Variants in CIC observed in about 807,000 individuals in gnomAD.
CIC encodes the protein protein capicua homolog.
A neutral mutation model predicts 115.7 loss-of-function variants in CIC; 18 were observed. The ratio of observed to expected loss-of-function variants is 0.16; its 90% CI spans 0.11 to 0.23. The LOEUF (loss-of-function observed/expected upper bound fraction) is 0.23, where lower values mean the gene tolerates loss of function less well. Ranked by LOEUF, CIC falls within the 10% of genes least tolerant of loss-of-function variation. CIC has a pLI of 1.00. For synonymous variants in CIC, 1,076 were observed against 923.0 expected (o/e 1.17, Z -3.01); for missense variants, 2,000 against 2,159.3 (o/e 0.93, Z 1.46).
rs2036809449 is a variant in CIC, at chr19:42,272,031, G to A, written c.248G>A (p.Gly83Asp). Residue 83 changes from glycine (G) to aspartate (D), a missense_variant, in exon 2 of 21, where the codon GGC becomes GAC. Transcript: ENST00000681038. Reference sequence around the variant, plus strand: ...GGTCCTCCACTGGAGCTGCACCCTGGCGACCCGGCTCCAGGCCCAGCAGAG... The same window carrying A: ...GGTCCTCCACTGGAGCTGCACCCTGACGACCCGGCTCCAGGCCCAGCAGAG... ...AEGPPLELHP[G>D]DPAPGPAEDP... 2.5e-6 allele frequency: 1 copy of A among 398,810 alleles called. No homozygotes were observed. The highest frequency in any genetic ancestry group is 1.3e-4 in the South Asian group (1 of 7,878). The allele number at this position is 398,810 out of a possible 1,614,324, so 24.7% of individuals were successfully genotyped here. A position where few individuals can be genotyped will look rare whatever the true frequency, so the allele number is the denominator to read the frequency against.
At position 42,294,099 on chromosome 19, in the gene CIC, C is replaced by T. The variant is rs2147341629; in HGVS notation, c.6922+10C>T. On this transcript the variant is annotated intron_variant, in intron 18 of 20. Coordinates refer to ENST00000681038, the MANE Select transcript of CIC (RefSeq NM_001386298.1). The stretch of plus-strand genomic sequence containing the variant: ...AGGAAGAACTCCACGGGTAGGCGAG[C>T]ATTGGGCACCCAGGGTCCTTAGGTG... The T allele has an allele frequency of 6.2e-7, 1 of 1,613,670 alleles. No homozygotes were observed. Among genetic ancestry groups the T allele is most frequent in the African/African-American group, 1.3e-5 (1 of 75,054 alleles).
chr19:42,293,897 A>T lies in CIC; in HGVS notation c.6768-38A>T, dbSNP rs368146108. The T allele has an allele frequency of 1.4e-4, 232 of 1,613,006 alleles. 2 individuals carry two copies. The highest frequency in any genetic ancestry group is 1.3e-3 in the Middle Eastern group (8 of 6,062). On this transcript the variant is annotated intron_variant, in intron 17 of 20. Coordinates refer to ENST00000681038, the MANE Select transcript of CIC (RefSeq NM_001386298.1). ...GGGTGGCGGGAGTGGGAGCAGCTGC[A>T]GGCTGAGGCGGGGGAGGTGACCCTG...
intron 7 of CIC, among the ~76,000 whole-genome samples, chr19:42,288,654 C>T (rs1395804854): frequency 6.6e-6 from 1 of 152,162 alleles, no homozygotes; most frequent in Admixed American, 6.5e-5. Context: ...GGCCTCCTTA[C>T]TTTCAGGAGG....
At position 42,294,906 on chromosome 19, in the gene CIC, G is replaced by A. The variant is rs754649691; in HGVS notation, c.7269G>A (p.Val2423=). Residue 2423 remains valine, a synonymous_variant, in exon 21 of 21, where the codon GTG becomes GTA. Transcript: ENST00000681038. ...KVCLQLKIRE[V]RQKIMQAATP... is the part of the protein sequence containing the mutation. ...GTCTGCAGTTGAAGATCCGTGAGGTGCGCCAGAAGATCATGCAGGCTGCCA... is the reference window on the plus strand; with the variant it reads ...GTCTGCAGTTGAAGATCCGTGAGGTACGCCAGAAGATCATGCAGGCTGCCA... 23 of 1,600,306 alleles carry A rather than the reference G, an allele frequency of 1.4e-5. No homozygotes were observed. In the Admixed American group the frequency reaches 1.7e-4, roughly 12 times the overall value.
chr19:42,289,304 C>T lies in CIC; in HGVS notation c.3985C>T (p.Pro1329Ser). Residue 1329 changes from proline (P) to serine (S), a missense_variant, in exon 9 of 21, where the codon CCC becomes TCC. By Grantham distance (74) the Pro-to-Ser change is moderately conservative. Coordinates refer to ENST00000681038, the MANE Select transcript of CIC (RefSeq NM_001386298.1). ...LAATGRPPLL[P>S]TRASRSQRAA... ...GGCCACTGGGCGGCCCCCGCTGCTG[C>T]CCACCCGAGCTTCTCGTTCTCAGCG... The T allele has an allele frequency of 6.2e-7, 1 of 1,613,988 alleles. No individual in the cohort carries two copies. Among genetic ancestry groups the T allele is most frequent in the Non-Finnish European group, 8.5e-7 (1 of 1,180,012 alleles).
Position 42,273,013 on chromosome 19 carries a change from C to A in CIC, c.1230C>A (p.Thr410=). The A allele has an allele frequency of 2.5e-6, 1 of 399,220 alleles. No homozygotes were observed. Among genetic ancestry groups the A allele is most frequent in the Non-Finnish European group, 4.4e-6 (1 of 226,418 alleles). 24.7% of individuals were successfully genotyped at this position (399,220 alleles called of 1,614,324 possible). ...GEEKHPPALG[T]PALLPLPPPQ... is the part of the protein sequence containing the mutation. ...AGAAGCACCCTCCAGCCCTGGGTAC[C>A]CCAGCCCTGCTCCCACTGCCCCCAC... The change falls in exon 2 of 21, where the codon ACC becomes ACA. Residue 410 remains threonine, a synonymous_variant. Coordinates refer to ENST00000681038, the MANE Select transcript of CIC (RefSeq NM_001386298.1).
rs753788840 is a variant in CIC at position 42,290,376 on chromosome 19, G to T, written c.4335G>T (p.Ala1445=). The T allele has an allele frequency of 6.2e-7, 1 of 1,613,824 alleles. No homozygotes were observed. The highest frequency in any genetic ancestry group is 8.5e-7 in the Non-Finnish European group (1 of 1,179,970). Residue 1445 remains alanine (A), a synonymous_variant, in exon 11 of 21, where the codon GCG becomes GCT. Coordinates refer to ENST00000681038, the MANE Select transcript of CIC (RefSeq NM_001386298.1). ...KGYGSAPSSS[A]SSPASSSASA... ...ATGGTTCCGCCCCATCCTCCTCTGC[G>T]TCCTCGCCTGCTTCCTCCTCAGCCT...
intron 2 of CIC, among the ~76,000 whole-genome samples, chr19:42,285,360 G>T (rs892472373): frequency 2.0e-5 from 3 of 152,198 alleles, no homozygotes; most frequent in Admixed American, 2.0e-4. Context: ...TGCAAAGAGA[G>T]GCACAGGTCT....
rs1422754913 is a variant in CIC at position 42,289,100 on chromosome 19, G to A, written c.3861+10G>A. 6.2e-7 allele frequency: 1 copy of A among 1,613,366 alleles called. No homozygotes were observed. The highest frequency in any genetic ancestry group is 8.5e-7 in the Non-Finnish European group (1 of 1,180,048). ...ACAGGAACTGACGCAGGTCTAGGGT[G>A]CAGGCCCCCTAGTGGGGGTGGGCAG... On this transcript the variant is annotated intron_variant, in intron 8 of 20. Coordinates refer to ENST00000681038, the MANE Select transcript of CIC (RefSeq NM_001386298.1).
At chr19:42,294,147 CA>C in intron 18 of CIC, 25 bp from the exon 19 acceptor site, 1 of 1,613,912 alleles carries the variant, frequency 6.2e-7, no homozygotes, top group Non-Finnish European at 8.5e-7. Context: ...GGGCCACCTG[CA>C]CTGAGTCTGC....
Position 42,293,879 on chromosome 19 carries a change from G to A in CIC, c.6767+43G>A, listed in dbSNP as rs750922656. ...CCTTGGTGGAGCGTGTTAGGGTGGC[G>A]GGAGTGGGAGCAGCTGCAGGCTGAG... is the stretch of plus-strand genomic sequence containing the variant. On this transcript the variant is annotated intron_variant, in intron 17 of 20. Coordinates refer to ENST00000681038, the MANE Select transcript of CIC (RefSeq NM_001386298.1). 2.7e-5 allele frequency: 43 copies of A among 1,613,102 alleles called. No homozygotes were observed. The East Asian group carries it at 4.0e-4, about 15-fold the overall frequency.
intron 12 of CIC, 138 bp downstream of exon 12, chr19:42,291,883 A>G: frequency 7.7e-7 from 1 of 1,304,620 alleles, no homozygotes; most frequent in Non-Finnish European, 1.1e-6. Flanking sequence ...GTCTCTGTGC[A>G]TCCTGACTCT....
In CIC at chr19:42,290,294, C is replaced by G. The variant is rs767088244; in HGVS notation, c.4253C>G (p.Pro1418Arg). The G allele has an allele frequency of 6.2e-7, 1 of 1,614,094 alleles. No homozygotes were observed. The highest frequency in any genetic ancestry group is 8.5e-7 in the Non-Finnish European group (1 of 1,179,980). The change falls in exon 11 of 21, where the codon CCA (proline) becomes CGA (arginine). Residue 1418 changes from proline to arginine, a missense_variant. Physicochemically the swap from Pro to Arg is moderately radical, Grantham distance 103 (BLOSUM62 -2). Transcript: ENST00000681038. The stretch of plus-strand genomic sequence containing the variant: ...TCCTCCTTTACCCACTGCCGCCCCC[C>G]ACTGGACCCTGAGCCCCCAGGGCCC... ...IRSSFTHCRP[P>R]LDPEPPGPPD... is the part of the protein sequence containing the mutation.
chr19:42,285,065 T>G (rs1292253988), intron 2 of CIC, among the ~76,000 whole-genome samples: 1 of 151,800 alleles, frequency 6.6e-6, no homozygotes, highest in East Asian at 1.9e-4. Flanking sequence ...TGGGGTAGAA[T>G]AGGAACAGCA....
rs1432205915 is a variant in CIC at position 42,287,895 on chromosome 19, C to G, written c.3578C>G (p.Thr1193Arg). ...AAGTCCAGCTCAGAGGCCAAGCCCACGAGCCTGGGGCTGGCAGGAGGGCAC... is the reference window on the plus strand; with the variant it reads ...AAGTCCAGCTCAGAGGCCAAGCCCAGGAGCCTGGGGCTGGCAGGAGGGCAC... ...RKKSSSEAKP[T>R]SLGLAGGHKE... is the part of the protein sequence containing the mutation. The change falls in exon 7 of 21, where the codon ACG (threonine) becomes AGG (arginine). Residue 1193 changes from threonine (T) to arginine (R), a missense_variant. Thr to Arg is a moderately conservative substitution (Grantham distance 71). This residue lies in a region of CIC where 38 missense variants were observed against 50.3 expected (regional missense o/e 0.76). Transcript: ENST00000681038. This position sits in a 1 kb window ranked among gnomAD's most constrained non-coding sequence, Gnocchi z 8.7. The G allele has an allele frequency of 6.2e-7, 1 of 1,610,524 alleles. No homozygotes were observed. Among genetic ancestry groups the G allele is most frequent in the East Asian group, 2.2e-5 (1 of 44,788 alleles).
At position 42,272,683 on chromosome 19, in the gene CIC, C is replaced by T. The variant is rs73552879; in HGVS notation, c.900C>T (p.Leu300=). The change falls in exon 2 of 21, where the codon CTC becomes CTT. Residue 300 remains leucine, a synonymous_variant. Transcript: ENST00000681038. ...AGCCAGCTGCCTACAAGGTCCGTCTCAGCCCTGGCCCCAGCTCCCAGCCAG... is the reference window on the plus strand; with the variant it reads ...AGCCAGCTGCCTACAAGGTCCGTCTTAGCCCTGGCCCCAGCTCCCAGCCAG... ...ATKPAAYKVR[L]SPGPSSQPGL... is the part of the protein sequence containing the mutation. The T allele has an allele frequency of 7.3e-3, 2,913 of 398,928 alleles. 63 individuals are homozygous for T. Among genetic ancestry groups the T allele is most frequent in the African/African-American group, 0.05 (2,455 of 48,722 alleles). 24.7% of individuals were successfully genotyped at this position (398,928 alleles called of 1,614,324 possible).
At position 42,291,036 on chromosome 19, in the gene CIC, G is replaced by A. The variant is rs199808446; in HGVS notation, c.4995G>A (p.Ala1665=). ...AGPLLGTVGK[A]PATVTNLLVG... Reference sequence around the variant, plus strand: ...CCCTGCTGGGCACTGTGGGGAAGGCGCCTGCCACTGTCACTAACCTACTGG... The same window carrying A: ...CCCTGCTGGGCACTGTGGGGAAGGCACCTGCCACTGTCACTAACCTACTGG... The change falls in exon 11 of 21, where the codon GCG becomes GCA. Residue 1665 remains alanine, a synonymous_variant. Transcript: ENST00000681038. 1.8e-5 allele frequency: 29 copies of A among 1,596,684 alleles called. No individual in the cohort carries two copies. Among genetic ancestry groups the A allele is most frequent in the South Asian group, 6.8e-5 (6 of 88,832 alleles).
In CIC at chr19:42,279,089, C is replaced by T. The variant is rs1297846857; in HGVS notation, c.2794+4512C>T. ...GAAAGGAGTCCCAGATATAGTGCAC[C>T]CCAATGGGTAGGGCCTCAGAGACGA... On this transcript the variant is annotated intron_variant, in intron 2 of 20. Coordinates refer to ENST00000681038, the MANE Select transcript of CIC (RefSeq NM_001386298.1). 2.6e-5 allele frequency among the ~76,000 whole-genome samples: 4 copies of T among 152,200 alleles called. No individual in the cohort carries two copies. In the South Asian group the frequency reaches 8.3e-4, roughly 31 times the overall value.
intron 2 of CIC, among the ~76,000 whole-genome samples, chr19:42,286,473 A>G (rs2037649986): frequency 6.6e-6 from 1 of 151,756 alleles, no homozygotes; most frequent in Non-Finnish European, 1.5e-5. Context: ...GGCAGGAGCA[A>G]ATCGTTCCTC....
Sources: allele counts gnomAD v4.1 joint callset (sites outside exome capture counted in the v4.1 genomes callset), GRCh38; gene constraint gnomAD v4.1.1; regional missense constraint gnomAD v4.1.1; non-coding constraint Gnocchi (gnomAD v3.1); transcripts MANE v1.5; gene names NCBI Gene and HGNC (gene_info 2026-07-23, HGNC 2026-07-21).